The following FAM210A variants were observed in gnomAD, a reference collection of about 807,000 sequenced individuals.
FAM210A encodes the protein family with sequence similarity 210 member A.
A neutral mutation model predicts 25.3 loss-of-function variants in FAM210A; 13 were observed. The ratio of observed to expected loss-of-function variants is 0.51; its 90% CI spans 0.33 to 0.82. The LOEUF is 0.82. Among genes scored for constraint, FAM210A ranks in the 40% least tolerant of loss-of-function variants. The pLI is 0.02. For missense variants in FAM210A, 319 were observed against 323.2 expected, an observed-to-expected ratio of 0.99 and a Z score of 0.10; for synonymous variants, 125 against 118.7, an observed-to-expected ratio of 1.05 and a Z score of -0.35.
chr18:13,666,313 T>C lies in FAM210A; in HGVS notation c.*167A>G, dbSNP rs949715012. On this transcript the variant is annotated 3_prime_UTR_variant, in exon 4 of 4. Coordinates refer to ENST00000651643, the MANE Select transcript of FAM210A (RefSeq NM_152352.4). ...ATTTCTTCCCTTGTAATAACACTGATTTTTCTAGTGATATTTAACTTTAAA... is the reference window on the plus strand; with the variant it reads ...ATTTCTTCCCTTGTAATAACACTGACTTTTCTAGTGATATTTAACTTTAAA... 1 of 613,092 alleles carries C rather than the reference T, an allele frequency of 1.6e-6. No individual in the cohort carries two copies. Among genetic ancestry groups the C allele is most frequent in the African/African-American group, 1.9e-5 (1 of 54,008 alleles). The allele number at this position is 613,092 out of a possible 1,614,324, so 38.0% of individuals were successfully genotyped here.
At chr18:13,670,550 TC>T (rs199647747) in intron 3 of FAM210A, among the ~76,000 whole-genome samples, 1,950 of 152,342 alleles carry the variant, frequency 0.013, 43 homozygotes, top group African/African-American at 0.044. Flanking sequence ...ACATCTAGTT[TC>T]TGTGTTTTCA....
At chr18:13,689,102 C>T (rs1396151037) in intron 1 of FAM210A, among the ~76,000 whole-genome samples, 2 of 152,236 alleles carry the variant, frequency 1.3e-5, no homozygotes, top group African/African-American at 4.8e-5. Context: ...CCTGAGGCAT[C>T]TGCTTCCTCT....
intron 3 of FAM210A, among the ~76,000 whole-genome samples, chr18:13,669,476 C>G (rs1353091815): frequency 2.0e-5 from 3 of 152,148 alleles, no homozygotes; most frequent in Non-Finnish European, 4.4e-5. Context: ...AGAACTTTGT[C>G]TTTCGGATTT....
At chr18:13,703,855 T>C (rs2043759026) in intron 1 of FAM210A, among the ~76,000 whole-genome samples, 1 of 152,218 alleles carries the variant, frequency 6.6e-6, no homozygotes, top group Admixed American at 6.5e-5. Flanking sequence ...GGAAGGTTAT[T>C]GGTAAAATAA....
At chr18:13,685,310 G>A (rs1325751294) in intron 1 of FAM210A, among the ~76,000 whole-genome samples, 1 of 123,044 alleles carries the variant, frequency 8.1e-6, no homozygotes, top group African/African-American at 2.9e-5. Context: ...TTTTTTTTTT[G>A]GTGGAGAAAA....
rs144564916 is a variant in FAM210A, at chr18:13,698,054, C to T, written c.-28-15949G>A. Among the ~76,000 whole-genome samples, 273 of 152,222 alleles carry T rather than the reference C, an allele frequency of 1.8e-3. 1 individual carries two copies. Among genetic ancestry groups the T allele is most frequent in the Middle Eastern group, 6.8e-3 (2 of 294 alleles). On this transcript the variant is annotated intron_variant, in intron 1 of 3. Coordinates refer to ENST00000651643, the MANE Select transcript of FAM210A (RefSeq NM_152352.4). ...CAGTGGCTCACATCTGTAATTCCAG[C>T]TTAAGAATTAAGAACTGGCCGGGCG...
At chr18:13,721,402 T>C (rs1205289527) in intron 1 of FAM210A, among the ~76,000 whole-genome samples, 1 of 152,182 alleles carries the variant, frequency 6.6e-6, no homozygotes, top group Admixed American at 6.5e-5. Context: ...TAATCCACTG[T>C]CATTTTCCAA....
chr18:13,716,968 G>A (rs540138138), intron 1 of FAM210A, among the ~76,000 whole-genome samples: 6 of 152,330 alleles, frequency 3.9e-5, no homozygotes, highest in Admixed American at 2.6e-4. Context: ...AAGGCAGAGC[G>A]GGAGCTCTGA....
At chr18:13,685,275 G>A (rs2043587152) in intron 1 of FAM210A, among the ~76,000 whole-genome samples, 2 of 148,744 alleles carry the variant, frequency 1.3e-5, no homozygotes, top group South Asian at 4.2e-4. Context: ...GCCATATTTT[G>A]AAATGACCCT....
intron 2 of FAM210A, among the ~76,000 whole-genome samples, chr18:13,676,314 T>C (rs1252132905): frequency 1.4e-5 from 2 of 144,270 alleles, no homozygotes; most frequent in East Asian, 4.0e-4. Flanking sequence ...GGCTTCTTTA[T>C]TTCCAGTTTC....
intron 1 of FAM210A, among the ~76,000 whole-genome samples, chr18:13,691,440 G>C (rs1211620836): frequency 2.0e-5 from 3 of 152,072 alleles, no homozygotes; most frequent in African/African-American, 4.8e-5. Flanking sequence ...GAGCAACTCT[G>C]AGACACATAA....
intron 1 of FAM210A, among the ~76,000 whole-genome samples, chr18:13,687,455 T>G (rs765285372): frequency 5.9e-5 from 9 of 152,182 alleles, no homozygotes; most frequent in Non-Finnish European, 1.2e-4. Flanking sequence ...CAAAAAGGGC[T>G]TCCAACAAAA....
chr18:13,702,942 G>T (rs1290761100), intron 1 of FAM210A, among the ~76,000 whole-genome samples: 1 of 152,072 alleles, frequency 6.6e-6, no homozygotes, highest in Admixed American at 6.6e-5. Context: ...AAATTTAAAA[G>T]GACTTTTTTA....
chr18:13,691,023 AT>A (rs1601953316), intron 1 of FAM210A, among the ~76,000 whole-genome samples: 1 of 152,342 alleles, frequency 6.6e-6, no homozygotes, highest in East Asian at 1.9e-4. Context: ...GATTAGACAA[AT>A]GGCTAACTAG....
rs1451881849 is a variant in FAM210A, at chr18:13,674,044, GCTT to G, written c.474-2074_474-2072del. On this transcript the variant is annotated intron_variant, in intron 2 of 3. Transcript: ENST00000651643. ...TGATTATTAACATTCCTGAGCCCTG[GCTT>G]CTTTATTTCCAGTTTCCTGATTATT... Among the ~76,000 whole-genome samples the G allele has an allele frequency of 5.1e-3, 726 of 142,154 alleles. 11 individuals are homozygous for G. Among genetic ancestry groups the G allele is most frequent in the African/African-American group, 0.019 (693 of 36,538 alleles). The allele number at this position is 142,154 out of a possible 152,430, so 93.3% of individuals were successfully genotyped here.
Position 13,671,991 on chromosome 18 carries a change from T to C in FAM210A, c.474-18A>G. On this transcript the variant is annotated intron_variant, in intron 2 of 3. Coordinates refer to ENST00000651643, the MANE Select transcript of FAM210A (RefSeq NM_152352.4). ...TCACTCCTCTACAAAAAAAAAAAAG[T>C]AATTTTCATATGTACAAACTTTTAA... The C allele has an allele frequency of 7.3e-7, 1 of 1,374,856 alleles. No homozygotes were observed. The highest frequency in any genetic ancestry group is 1.0e-6 in the Non-Finnish European group (1 of 971,622). The allele number at this position is 1,374,856 out of a possible 1,614,324, so 85.2% of individuals were successfully genotyped here.
At chr18:13,680,928 A>G (rs1177075994) in intron 2 of FAM210A, among the ~76,000 whole-genome samples, 2 of 152,186 alleles carry the variant, frequency 1.3e-5, no homozygotes, top group African/African-American at 4.8e-5. Context: ...GTTTCAAAAC[A>G]CTGGGAGGCT....
At chr18:13,678,720 G>A (rs746184722) in intron 2 of FAM210A, among the ~76,000 whole-genome samples, 6 of 152,228 alleles carry the variant, frequency 3.9e-5, no homozygotes, top group Non-Finnish European at 5.9e-5. Flanking sequence ...TTTCTACTCT[G>A]AAGTGCCCAC....
intron 1 of FAM210A, among the ~76,000 whole-genome samples, chr18:13,708,512 C>T (rs1004496458): frequency 1.3e-5 from 2 of 152,134 alleles, no homozygotes; most frequent in Non-Finnish European, 2.9e-5. Flanking sequence ...GAAGCCCTAC[C>T]CTAAGTTAGC....
Sources: gnomAD v4.1 joint callset for allele counts (sites outside exome capture counted in the v4.1 genomes callset) on GRCh38, gnomAD v4.1.1 for gene constraint, MANE v1.5 for transcripts, NCBI Gene and HGNC (gene_info 2026-07-23, HGNC 2026-07-21) for gene names.